The following SP140 variants were observed in gnomAD, a reference collection of about 807,000 sequenced individuals.
SP140 encodes the protein nuclear body protein SP140.
SP140 carries 81 observed loss-of-function variants against 125.0 expected under a neutral mutation model. That is an observed-to-expected ratio of 0.65 (90% CI 0.54 to 0.78). The LOEUF (loss-of-function observed/expected upper bound fraction) is 0.78, where lower values mean the gene tolerates loss of function less well. SP140 is among the 30% of genes least tolerant of loss of function. The probability of loss-of-function intolerance (pLI) is 0.00; values close to 1 mark genes in which losing one functional copy is unlikely to be tolerated. For missense variants in SP140, 858 were observed against 1,037.0 expected, an observed-to-expected ratio of 0.83 and a Z score of 2.37; for synonymous variants, 312 against 354.0, an observed-to-expected ratio of 0.88 and a Z score of 1.33.
intron 18 of SP140, among the ~76,000 whole-genome samples, chr2:230,288,773 T>C (rs149913600): frequency 0.026 from 3,915 of 152,250 alleles, 72 homozygotes; most frequent in Admixed American, 0.039. Context: ...TCCAGCTTCA[T>C]CCATGTCCCT....
intron 12 of SP140, among the ~76,000 whole-genome samples, chr2:230,257,543 G>T (rs1055290996): frequency 2.0e-5 from 3 of 152,198 alleles, no homozygotes; most frequent in Non-Finnish European, 4.4e-5. Context: ...AAGGCAGGTG[G>T]ATCACTTGAG....
chr2:230,288,241 T>G (rs2056648270), intron 18 of SP140: 3 of 374,622 alleles, frequency 8.0e-6, no homozygotes, highest in Non-Finnish European at 1.5e-5. Flanking sequence ...GATAGTTCAT[T>G]GCCGTATAAA....
chr2:230,255,332 G>C (rs540076853), intron 11 of SP140, 120 bp from the exon 12 acceptor site: 4 of 1,132,580 alleles, frequency 3.5e-6, no homozygotes, highest in Middle Eastern at 2.0e-4. Flanking sequence ...GAGGACCTGG[G>C]TGGGGGACAG....
intron 18 of SP140, among the ~76,000 whole-genome samples, chr2:230,289,853 G>C (rs903579731): frequency 2.6e-5 from 4 of 152,096 alleles, no homozygotes; most frequent in African/African-American, 4.8e-5. Flanking sequence ...CCCCTTCTCT[G>C]TGAAATCAGG....
chr2:230,269,363 AGCGTG>A (rs66470242), intron 12 of SP140, among the ~76,000 whole-genome samples, 164 bp from the exon 13 acceptor site: 27,292 of 152,048 alleles, frequency 0.18, 2,845 homozygotes, highest in Non-Finnish European at 0.24. Context: ...ACATGGGGAG[AGCGTG>A]GCTCTGTTAT....
chr2:230,286,600 G>A (rs2056412738), intron 17 of SP140, among the ~76,000 whole-genome samples: 1 of 152,222 alleles, frequency 6.6e-6, no homozygotes, highest in South Asian at 2.1e-4. Context: ...AAGGGAAGGG[G>A]AGGGGTCAGG....
At chr2:230,272,428 A>C (rs1380856595) in intron 15 of SP140, among the ~76,000 whole-genome samples, 1 of 152,154 alleles carries the variant, frequency 6.6e-6, no homozygotes, top group Non-Finnish European at 1.5e-5. Flanking sequence ...AGTGGCAGGT[A>C]ATTGAATCAT....
intron 15 of SP140, among the ~76,000 whole-genome samples, chr2:230,281,895 T>C (rs543452687): frequency 4.4e-4 from 67 of 152,250 alleles, no homozygotes; most frequent in African/African-American, 1.6e-3. Flanking sequence ...TTTTTTCGTA[T>C]CTCCTGCATA....
At chr2:230,202,796 C>T, upstream of SP140, 1 of 1,465,102 alleles carries the variant, frequency 6.8e-7, no homozygotes, top group Non-Finnish European at 9.6e-7. Flanking sequence ...CAGTCCCAAT[C>T]AGTGACTTCC....
At chr2:230,242,427 C>T (rs888360477) in intron 4 of SP140, among the ~76,000 whole-genome samples, 1 of 152,148 alleles carries the variant, frequency 6.6e-6, no homozygotes, top group African/African-American at 2.4e-5. Flanking sequence ...GTGGCACTTG[C>T]ATGATACTCA....
chr2:230,192,085 C>T, the SP140 span, among the ~76,000 whole-genome samples: 2 of 152,120 alleles, frequency 1.3e-5, no homozygotes, highest in African/African-American at 4.8e-5. Context: ...AATTCTACAT[C>T]CCTTCATGTT....
chr2:230,220,142 G>C, intron 3 of SP140: 2 of 938,662 alleles, frequency 2.1e-6, no homozygotes, highest in Non-Finnish European at 2.5e-6. Flanking sequence ...TTGGCAGTTG[G>C]GGTTTGGGGG....
chr2:230,248,838 T>G, intron 8 of SP140, 47 bp from the exon 9 acceptor site: 5 of 1,485,762 alleles, frequency 3.4e-6, no homozygotes, highest in Non-Finnish European at 4.7e-6. Flanking sequence ...CTGAGGCCTG[T>G]GTCCAAGTCA....
rs1359606931 is a variant in SP140 at position 230,312,712 on chromosome 2, A to T, written c.*28A>T. 3 of 1,522,348 alleles carry T rather than the reference A, an allele frequency of 2.0e-6. No individual in the cohort carries two copies. The highest frequency in any genetic ancestry group is 2.7e-6 in the Non-Finnish European group (3 of 1,098,528). The allele number at this position is 1,522,348 out of a possible 1,614,324, so 94.3% of individuals were successfully genotyped here. ...GGATTAGTGGATGCTGAAAGCATTC[A>T]GCAAATGGCACCCTAAAATATGCCG... On this transcript the variant is annotated 3_prime_UTR_variant, in exon 27 of 27. Coordinates refer to ENST00000392045, the MANE Select transcript of SP140 (RefSeq NM_007237.5).
intron 22 of SP140, among the ~76,000 whole-genome samples, chr2:230,304,050 G>T (rs6707997): frequency 0.17 from 25,641 of 152,102 alleles, 2,200 homozygotes; most frequent in East Asian, 0.27. Context: ...AATGAATTCA[G>T]TAAAGCTTCA....
upstream of SP140, among the ~76,000 whole-genome samples, chr2:230,198,516 A>G (rs2042981200): frequency 6.6e-6 from 1 of 152,138 alleles, no homozygotes; most frequent in Admixed American, 6.5e-5. Context: ...CCTTATTCTT[A>G]TAGATTAAAG....
chr2:230,313,034 G>A lies in SP140; in HGVS notation c.*350G>A. ...TGAAAACCAGCCAAGCTTTATTCAG[G>A]ACACACTTCTTGCCTTCACTTTCCC... On this transcript the variant is annotated 3_prime_UTR_variant, in exon 27 of 27. Coordinates refer to ENST00000392045, the MANE Select transcript of SP140 (RefSeq NM_007237.5). 4.1e-6 allele frequency: 1 copy of A among 241,694 alleles called. No individual in the cohort carries two copies. Among genetic ancestry groups the A allele is most frequent in the South Asian group, 4.7e-5 (1 of 21,210 alleles). 15.0% of individuals were successfully genotyped at this position (241,694 alleles called of 1,614,324 possible).
chr2:230,243,603 G>C (rs1223556763), intron 4 of SP140, 128 bp from the exon 5 acceptor site: 1 of 685,940 alleles, frequency 1.5e-6, no homozygotes, highest in Non-Finnish European at 2.6e-6. Flanking sequence ...CCTCAGGTCA[G>C]GTTGTTTGGG....
chr2:230,258,495 C>G (rs1460177848), intron 12 of SP140, among the ~76,000 whole-genome samples: 1 of 152,158 alleles, frequency 6.6e-6, no homozygotes, highest in Non-Finnish European at 1.5e-5. Context: ...AGCGTTTATC[C>G]CAAGTAAATT....
Sources: allele counts gnomAD v4.1 joint callset (sites outside exome capture counted in the v4.1 genomes callset), GRCh38; gene constraint gnomAD v4.1.1; transcripts MANE v1.5; gene names NCBI Gene and HGNC (gene_info 2026-07-23, HGNC 2026-07-21).